FAM117B: variants seen among roughly 807,000 people sequenced by gnomAD.
FAM117B encodes the protein protein FAM117B.
FAM117B carries 22 observed loss-of-function variants against 52.8 expected under a neutral mutation model. The ratio of observed to expected loss-of-function variants is 0.42; its 90% CI spans 0.30 to 0.59. The LOEUF (loss-of-function observed/expected upper bound fraction) is 0.59. Ranked by LOEUF, FAM117B falls within the 20% of genes least tolerant of loss-of-function variation. The probability of loss-of-function intolerance (pLI) is 0.22; values close to 1 mark genes in which losing one functional copy is unlikely to be tolerated. For synonymous variants in FAM117B, 309 were observed against 324.1 expected (o/e 0.95, Z 0.50); for missense variants, 678 against 802.6 (o/e 0.84, Z 1.88).
At chr2:202,654,062 T>TGAGAGAGAGAGAGAGA (rs60490884) in intron 1 of FAM117B, among the ~76,000 whole-genome samples, 3 of 134,772 alleles carry the variant, frequency 2.2e-5, no homozygotes, top group Non-Finnish European at 4.8e-5. Flanking sequence ...AGAGAGTGAG[T>TGAGAGAGAGAGAGAGA]GAGAGAGAGA....
chr2:202,706,796 G>C (rs1690875837), intron 2 of FAM117B, among the ~76,000 whole-genome samples: 1 of 152,186 alleles, frequency 6.6e-6, no homozygotes, highest in South Asian at 2.1e-4. Context: ...ACAGGAGTGA[G>C]TAGAAAGTGT....
At chr2:202,757,508 A>G in intron 6 of FAM117B, 70 bp downstream of exon 6, 2 of 1,448,118 alleles carry the variant, frequency 1.4e-6, no homozygotes, top group Admixed American at 3.6e-5. Context: ...CATTCTATTC[A>G]TTTTCTAGCA....
chr2:202,755,111 C>T (rs1691782217), intron 4 of FAM117B, among the ~76,000 whole-genome samples: 1 of 151,948 alleles, frequency 6.6e-6, no homozygotes, highest in Non-Finnish European at 1.5e-5. Context: ...TAAGAACTCA[C>T]AGTACTAAGA....
Position 202,648,339 on chromosome 2 carries a change from G to A in FAM117B, c.601+12551G>A, listed in dbSNP as rs182415732. Among the ~76,000 whole-genome samples the A allele has an allele frequency of 3.8e-3, 577 of 152,072 alleles. 2 individuals carry two copies. The highest frequency in any genetic ancestry group is 6.7e-3 in the Non-Finnish European group (458 of 67,996). ...AGCCTGGGCAACATGGTGAAACCCC[G>A]TCTCTACTAAAATACAGAAAAAAAT... On this transcript the variant is annotated intron_variant, in intron 1 of 7. Transcript: ENST00000392238.
Position 202,766,044 on chromosome 2 carries a change from G to A in FAM117B, c.*280G>A, listed in dbSNP as rs948364431. 9 of 333,494 alleles carry A rather than the reference G, an allele frequency of 2.7e-5. No homozygotes were observed. Among genetic ancestry groups the A allele is most frequent in the African/African-American group, 9.0e-5 (4 of 44,530 alleles). 20.7% of individuals were successfully genotyped at this position (333,494 alleles called of 1,614,324 possible). On this transcript the variant is annotated 3_prime_UTR_variant, in exon 8 of 8. Transcript: ENST00000392238. ...GAGACAATATCACGTTTTTGTTTTC[G>A]AATTAGACTTCTTTAAAACACACAC...
At chr2:202,697,851 G>A (rs777933179) in intron 2 of FAM117B, among the ~76,000 whole-genome samples, 7 of 151,434 alleles carry the variant, frequency 4.6e-5, no homozygotes, top group South Asian at 2.1e-4. Flanking sequence ...CACGTGGCCC[G>A]AGATAATGTT....
chr2:202,644,353 T>G (rs1689830481), intron 1 of FAM117B, among the ~76,000 whole-genome samples: 1 of 152,204 alleles, frequency 6.6e-6, no homozygotes, highest in African/African-American at 2.4e-5. Flanking sequence ...TATCACAAAT[T>G]TATCCCTAAG....
chr2:202,644,753 G>A (rs1177606807), intron 1 of FAM117B, among the ~76,000 whole-genome samples: 4 of 152,220 alleles, frequency 2.6e-5, no homozygotes. Flanking sequence ...GGTATTGAAA[G>A]CACTTCATCT....
chr2:202,751,506 C>T (rs954928286), intron 4 of FAM117B, among the ~76,000 whole-genome samples: 1 of 152,262 alleles, frequency 6.6e-6, no homozygotes, highest in African/African-American at 2.4e-5. Flanking sequence ...CAGTGGCTCA[C>T]GCCTGTAATC....
At chr2:202,722,166 A>G (rs541692615) in intron 2 of FAM117B, among the ~76,000 whole-genome samples, 1 of 151,714 alleles carries the variant, frequency 6.6e-6, no homozygotes, top group East Asian at 1.9e-4. Flanking sequence ...GCCTGCCACC[A>G]CGCCCGGCTA....
chr2:202,650,605 A>G (rs1689941524), intron 1 of FAM117B, among the ~76,000 whole-genome samples: 1 of 152,182 alleles, frequency 6.6e-6, no homozygotes, highest in Non-Finnish European at 1.5e-5. Flanking sequence ...CTGGGGAGCA[A>G]GGAAGCCAGT....
chr2:202,698,026 C>T (rs905431776), intron 2 of FAM117B, among the ~76,000 whole-genome samples: 15 of 151,966 alleles, frequency 9.9e-5, no homozygotes, highest in African/African-American at 3.4e-4. Context: ...CATGTCACTA[C>T]GCCCAGCTAA....
intron 1 of FAM117B, among the ~76,000 whole-genome samples, chr2:202,685,733 T>G (rs1327975302): frequency 1.3e-5 from 2 of 152,144 alleles, no homozygotes; most frequent in African/African-American, 4.8e-5. Context: ...GATATCCATA[T>G]AGGGGAGGGG....
chr2:202,685,061 C>T (rs1312949601), intron 1 of FAM117B, among the ~76,000 whole-genome samples: 1 of 152,018 alleles, frequency 6.6e-6, no homozygotes, highest in East Asian at 1.9e-4. Context: ...TGGCTCACTG[C>T]AACCTCTGCC....
chr2:202,738,335 A>C (rs1691472577), intron 4 of FAM117B, among the ~76,000 whole-genome samples: 1 of 152,190 alleles, frequency 6.6e-6, no homozygotes, highest in African/African-American at 2.4e-5. Flanking sequence ...AACAACTTTC[A>C]GTCTTGAATC....
chr2:202,718,668 C>G (rs1470275665), intron 2 of FAM117B, among the ~76,000 whole-genome samples: 1 of 152,060 alleles, frequency 6.6e-6, no homozygotes, highest in Non-Finnish European at 1.5e-5. Flanking sequence ...ATTTTTTAAC[C>G]TCATTAAAAA....
At chr2:202,644,859 C>G (rs1234866566) in intron 1 of FAM117B, among the ~76,000 whole-genome samples, 1 of 152,154 alleles carries the variant, frequency 6.6e-6, no homozygotes, top group Non-Finnish European at 1.5e-5. Context: ...AGGGTTACCA[C>G]CATTCTGAAA....
chr2:202,662,865 A>G (rs750028911), intron 1 of FAM117B, among the ~76,000 whole-genome samples: 12 of 152,094 alleles, frequency 7.9e-5, no homozygotes, highest in Non-Finnish European at 1.6e-4. Context: ...AGAAAAAAAG[A>G]AATGATAAAT....
intron 1 of FAM117B, among the ~76,000 whole-genome samples, chr2:202,691,105 C>T (rs10755019): frequency 0.16 from 23,914 of 152,060 alleles, 2,035 homozygotes; most frequent in East Asian, 0.23. Context: ...ATCTGTTCTC[C>T]AGTTCATTAT....
Sources: gnomAD v4.1 joint callset for allele counts (sites outside exome capture counted in the v4.1 genomes callset) on GRCh38, gnomAD v4.1.1 for gene constraint, MANE v1.5 for transcripts, NCBI Gene and HGNC (gene_info 2026-07-23, HGNC 2026-07-21) for gene names.